Variants in SAMTOR observed in about 807,000 individuals in gnomAD.
The protein encoded by SAMTOR is UPF0532 protein C7orf60.
the SAMTOR span, among the ~76,000 whole-genome samples, chr7:112,917,916 T>C: frequency 0.011 from 1,631 of 152,058 alleles, 28 homozygotes; most frequent in African/African-American, 0.037. Context: ...TAAAAAGAAA[T>C]GAACAAAGCC....
At chr7:112,897,765 T>C in the SAMTOR span, among the ~76,000 whole-genome samples, 4 of 152,062 alleles carry the variant, frequency 2.6e-5, no homozygotes, top group East Asian at 7.7e-4. Context: ...TATGAAAAGG[T>C]GGCCAAACAG....
At chr7:112,856,936 T>C in the SAMTOR span, among the ~76,000 whole-genome samples, 1 of 152,172 alleles carries the variant, frequency 6.6e-6, no homozygotes, top group African/African-American at 2.4e-5. Context: ...GTTAGGTTCA[T>C]TCATTCCCTA....
the SAMTOR span, among the ~76,000 whole-genome samples, chr7:112,853,336 A>C: frequency 2.6e-5 from 4 of 152,250 alleles, no homozygotes; most frequent in East Asian, 7.7e-4. Context: ...TTTTCTACTT[A>C]AATTTAAATT....
At chr7:112,906,064 T>G in the SAMTOR span, among the ~76,000 whole-genome samples, 1 of 152,182 alleles carries the variant, frequency 6.6e-6, no homozygotes, top group Non-Finnish European at 1.5e-5. Context: ...ATCATCCATA[T>G]ATATATGTAC....
At chr7:112,922,154 C>T in the SAMTOR span, among the ~76,000 whole-genome samples, 3 of 152,286 alleles carry the variant, frequency 2.0e-5, no homozygotes, top group South Asian at 2.1e-4. Flanking sequence ...GACGGGGTTT[C>T]GCTGTGTTGG....
the SAMTOR span, chr7:112,821,651 C>A: frequency 3.3e-6 from 4 of 1,201,536 alleles, no homozygotes; most frequent in East Asian, 2.5e-5. Flanking sequence ...TTATGCAAAC[C>A]AGGTTTTCAG....
At chr7:112,840,811 A>T in the SAMTOR span, among the ~76,000 whole-genome samples, 1 of 152,016 alleles carries the variant, frequency 6.6e-6, no homozygotes, top group Non-Finnish European at 1.5e-5. Flanking sequence ...CAATAAATGT[A>T]ATCCATCACA....
the SAMTOR span, among the ~76,000 whole-genome samples, chr7:112,919,999 C>T: frequency 5.3e-4 from 81 of 152,164 alleles, 3 homozygotes; most frequent in East Asian, 0.012. Flanking sequence ...GATGGATTCA[C>T]AGCCGAATTC....
chr7:112,918,685 G>T, the SAMTOR span, among the ~76,000 whole-genome samples: 1 of 152,182 alleles, frequency 6.6e-6, no homozygotes, highest in African/African-American at 2.4e-5. Flanking sequence ...CCATCAGTGT[G>T]CTGTATTCAG....
the SAMTOR span, among the ~76,000 whole-genome samples, chr7:112,931,248 G>T: frequency 6.6e-6 from 1 of 151,734 alleles, no homozygotes; most frequent in African/African-American, 2.4e-5. Context: ...TAAAAGCCTG[G>T]CAAAATAATA....
chr7:112,895,705 T>C, the SAMTOR span: 3 of 1,569,912 alleles, frequency 1.9e-6, no homozygotes, highest in Non-Finnish European at 2.6e-6. Flanking sequence ...AGTGCTTTTC[T>C]CTTCCCACCA....
the SAMTOR span, among the ~76,000 whole-genome samples, chr7:112,898,850 G>C: frequency 1.3e-5 from 2 of 152,204 alleles, no homozygotes; most frequent in Admixed American, 1.3e-4. Flanking sequence ...GCAATCTGCA[G>C]AAGTTGCAGT....
At chr7:112,902,540 A>G in the SAMTOR span, among the ~76,000 whole-genome samples, 1 of 151,870 alleles carries the variant, frequency 6.6e-6, no homozygotes. Flanking sequence ...TCTGTATAAT[A>G]CTATAATGGA....
chr7:112,931,757 A>G, the SAMTOR span, among the ~76,000 whole-genome samples: 1 of 152,192 alleles, frequency 6.6e-6, no homozygotes, highest in Admixed American at 6.5e-5. Context: ...AGCAATGGGT[A>G]TTAGTGTATC....
the SAMTOR span, among the ~76,000 whole-genome samples, chr7:112,928,318 C>T: frequency 6.6e-6 from 1 of 151,938 alleles, no homozygotes; most frequent in Admixed American, 6.6e-5. Flanking sequence ...TCTGGTACAG[C>T]ATTTTTTTTC....
chr7:112,823,746 T>C, the SAMTOR span, among the ~76,000 whole-genome samples: 3 of 152,214 alleles, frequency 2.0e-5, no homozygotes, highest in Non-Finnish European at 4.4e-5. Flanking sequence ...AACTCCCAAC[T>C]GATTTCAAAA....
chr7:112,824,430 G>C, the SAMTOR span, among the ~76,000 whole-genome samples: 2 of 151,812 alleles, frequency 1.3e-5, no homozygotes, highest in African/African-American at 2.4e-5. Flanking sequence ...GCGTGATCTT[G>C]GCTCACCGCA....
chr7:112,828,708 C>T, the SAMTOR span, among the ~76,000 whole-genome samples: 1 of 152,156 alleles, frequency 6.6e-6, no homozygotes, highest in Non-Finnish European at 1.5e-5. Context: ...GTTATCACTT[C>T]TAGTATTCTT....
At chr7:112,875,223 A>G in the SAMTOR span, among the ~76,000 whole-genome samples, 1 of 152,162 alleles carries the variant, frequency 6.6e-6, no homozygotes, top group African/African-American at 2.4e-5. Context: ...CTTACTTGTA[A>G]TAAGTAACAA....
Sources: gnomAD v4.1 joint callset for allele counts (sites outside exome capture counted in the v4.1 genomes callset) on GRCh38, gnomAD v4.1.1 for gene constraint, MANE v1.5 for transcripts, NCBI Gene and HGNC (gene_info 2026-07-23, HGNC 2026-07-21) for gene names.